The following BBOX1 variants were observed in gnomAD, a reference collection of about 807,000 sequenced individuals.
BBOX1 encodes the protein gamma-butyrobetaine hydroxylase 1.
A neutral mutation model predicts 41.6 loss-of-function variants in BBOX1; 35 were observed. That is an observed-to-expected ratio of 0.84 (90% CI 0.64 to 1.11). The LOEUF is 1.11. BBOX1 is among the 50% of genes most tolerant of loss of function. BBOX1 has a pLI of 0.00. For missense variants in BBOX1, 458 were observed against 460.6 expected (o/e 0.99, Z 0.05); for synonymous variants, 163 against 154.7 (o/e 1.05, Z -0.40).
intron 2 of BBOX1, among the ~76,000 whole-genome samples, chr11:27,046,824 T>C (rs932798535): frequency 6.6e-6 from 1 of 152,118 alleles, no homozygotes; most frequent in African/African-American, 2.4e-5. Flanking sequence ...CAAGTCAAGT[T>C]GGTTAAATTA....
At chr11:27,118,428 T>C (rs1237975860) in intron 6 of BBOX1, among the ~76,000 whole-genome samples, 3 of 152,160 alleles carry the variant, frequency 2.0e-5, no homozygotes, top group Non-Finnish European at 4.4e-5. Flanking sequence ...TCTGTATAGA[T>C]GAAATAATCT....
chr11:27,074,997 G>A (rs921373552), intron 4 of BBOX1, among the ~76,000 whole-genome samples: 6 of 152,204 alleles, frequency 3.9e-5, no homozygotes, highest in East Asian at 1.9e-4. Flanking sequence ...TCTGGGGTCC[G>A]GAGGACGTGG....
At chr11:27,112,445 G>T (rs570303023) in intron 5 of BBOX1, among the ~76,000 whole-genome samples, 1 of 151,686 alleles carries the variant, frequency 6.6e-6, no homozygotes, top group African/African-American at 2.4e-5. Flanking sequence ...TTTAAAAATT[G>T]AGTTTCTCAG....
chr11:27,052,223 G>T (rs1244158057), intron 2 of BBOX1, among the ~76,000 whole-genome samples: 12 of 152,132 alleles, frequency 7.9e-5, no homozygotes, highest in African/African-American at 2.9e-4. Flanking sequence ...AATATAAACT[G>T]CAGGCAATTT....
intron 5 of BBOX1, among the ~76,000 whole-genome samples, chr11:27,110,363 C>A (rs996950711): frequency 3.0e-4 from 45 of 151,812 alleles, no homozygotes; most frequent in East Asian, 1.9e-4. Context: ...ACATGTAAAG[C>A]AAAATCTCAA....
At chr11:27,079,987 C>A (rs1857780950) in intron 4 of BBOX1, among the ~76,000 whole-genome samples, 1 of 152,070 alleles carries the variant, frequency 6.6e-6, no homozygotes, top group Non-Finnish European at 1.5e-5. Flanking sequence ...ACATCATATG[C>A]CCTTCTTCTT....
Position 27,044,787 on chromosome 11 carries a change from G to A in BBOX1, c.-39+3309G>A, listed in dbSNP as rs139898042. On this transcript the variant is annotated intron_variant, in intron 2 of 8. Coordinates refer to ENST00000263182, the MANE Select transcript of BBOX1 (RefSeq NM_003986.3). Reference sequence around the variant, plus strand: ...CTGAGGCCTCTGTTTTGTTCCATTGGTCTATCTGTTTTTGCACCAGTACCA... The same window carrying A: ...CTGAGGCCTCTGTTTTGTTCCATTGATCTATCTGTTTTTGCACCAGTACCA... Among the ~76,000 whole-genome samples the A allele has an allele frequency of 8.5e-3, 1,293 of 151,934 alleles. 18 individuals carry two copies. Among genetic ancestry groups the A allele is most frequent in the African/African-American group, 0.022 (930 of 41,482 alleles).
chr11:27,087,634 T>C (rs1309816708), intron 4 of BBOX1, among the ~76,000 whole-genome samples: 2 of 152,070 alleles, frequency 1.3e-5, no homozygotes, highest in East Asian at 1.9e-4. Context: ...CAAGGGTATG[T>C]CTATATCCCT....
chr11:27,045,744 A>T (rs1172673339), intron 2 of BBOX1, among the ~76,000 whole-genome samples: 1 of 152,152 alleles, frequency 6.6e-6, no homozygotes, highest in Non-Finnish European at 1.5e-5. Flanking sequence ...CTTGTTTTCC[A>T]TTTACTAAAA....
At chr11:27,067,616 G>A (rs1450128823) in intron 4 of BBOX1, among the ~76,000 whole-genome samples, 2 of 150,386 alleles carry the variant, frequency 1.3e-5, no homozygotes, top group African/African-American at 4.9e-5. Context: ...TGTAGTCCCA[G>A]GTACTCTGGA....
At chr11:27,082,406 G>T (rs1276003314) in intron 4 of BBOX1, among the ~76,000 whole-genome samples, 1 of 152,102 alleles carries the variant, frequency 6.6e-6, no homozygotes, top group African/African-American at 2.4e-5. Context: ...TCTTTTTATG[G>T]ATGTCATAGA....
intron 2 of BBOX1, among the ~76,000 whole-genome samples, chr11:27,054,551 T>C (rs1232377937): frequency 6.6e-6 from 1 of 152,144 alleles, no homozygotes; most frequent in Non-Finnish European, 1.5e-5. Context: ...CCACGGTGTC[T>C]CTGTTTCACT....
intron 4 of BBOX1, among the ~76,000 whole-genome samples, chr11:27,065,663 C>T (rs1272216323): frequency 2.0e-5 from 3 of 152,118 alleles, no homozygotes; most frequent in Admixed American, 6.5e-5. Flanking sequence ...AAACTCCATC[C>T]ATACTTCCAG....
chr11:27,116,042 T>C (rs1380595827), intron 6 of BBOX1, among the ~76,000 whole-genome samples: 2 of 151,982 alleles, frequency 1.3e-5, no homozygotes, highest in Non-Finnish European at 2.9e-5. Flanking sequence ...TGCAGCACTG[T>C]TCACAATAGC....
chr11:27,115,148 C>T (rs781546171), intron 5 of BBOX1, among the ~76,000 whole-genome samples: 3 of 151,864 alleles, frequency 2.0e-5, no homozygotes, highest in South Asian at 2.1e-4. Context: ...CAATAAATCA[C>T]TTTTTAAAAT....
Position 27,086,385 on chromosome 11 carries a change from G to C in BBOX1, c.335-6783G>C, listed in dbSNP as rs1858040549. Among the ~76,000 whole-genome samples the C allele has an allele frequency of 1.3e-5, 2 of 152,022 alleles. 1 individual carries two copies. The highest frequency in any genetic ancestry group is 1.3e-4 in the Admixed American group (2 of 15,232). ...TCATTTACTATTCTGAAAATTCTAG[G>C]ACCATTAAGAATTATACTGAATCTG... is the stretch of plus-strand genomic sequence containing the variant. On this transcript the variant is annotated intron_variant, in intron 4 of 8. Transcript: ENST00000263182.
chr11:27,092,287 A>G lies in BBOX1; in HGVS notation c.335-881A>G, dbSNP rs151179165. On this transcript the variant is annotated intron_variant, in intron 4 of 8. Coordinates refer to ENST00000263182, the MANE Select transcript of BBOX1 (RefSeq NM_003986.3). ...TGAGATCGCAAGTTCTCATTCTGTCACTTTTTAGGAAGGCTTACCTTCCTA... is the reference window on the plus strand; with the variant it reads ...TGAGATCGCAAGTTCTCATTCTGTCGCTTTTTAGGAAGGCTTACCTTCCTA... Among the ~76,000 whole-genome samples, 5 of 152,052 alleles carry G rather than the reference A, an allele frequency of 3.3e-5. 1 individual carries two copies. Among genetic ancestry groups the G allele is most frequent in the African/African-American group, 1.2e-4 (5 of 41,534 alleles).
chr11:27,064,561 TA>T, intron 4 of BBOX1, among the ~76,000 whole-genome samples: 1 of 152,194 alleles, frequency 6.6e-6, no homozygotes, highest in East Asian at 1.9e-4. Context: ...GACTTTATTA[TA>T]ACTGTCTGAG....
chr11:27,116,361 A>G (rs1404083780), intron 6 of BBOX1, among the ~76,000 whole-genome samples: 1 of 151,834 alleles, frequency 6.6e-6, no homozygotes, highest in African/African-American at 2.4e-5. Flanking sequence ...ATTAGAAGAA[A>G]TACCTGATGT....
Sources: allele counts gnomAD v4.1 joint callset (sites outside exome capture counted in the v4.1 genomes callset), GRCh38; gene constraint gnomAD v4.1.1; transcripts MANE v1.5; gene names NCBI Gene and HGNC (gene_info 2026-07-23, HGNC 2026-07-21).